Variants in HERC3 observed in about 807,000 individuals in gnomAD.
HERC3 encodes the protein probable E3 ubiquitin-protein ligase HERC3.
Under a neutral mutation model 129.9 loss-of-function variants are expected in HERC3, and 58 were observed. That is an observed-to-expected ratio of 0.45 (90% CI 0.36 to 0.56). HERC3 has a LOEUF of 0.56. Ranked by LOEUF, HERC3 falls within the 20% of genes least tolerant of loss-of-function variation. The probability of loss-of-function intolerance (pLI) is 0.00; values close to 1 mark genes in which losing one functional copy is unlikely to be tolerated. For missense variants in HERC3, 835 were observed against 1,244.2 expected (o/e 0.67, Z 4.95); for synonymous variants, 430 against 451.0 (o/e 0.95, Z 0.59).
chr4:88,636,256 CAT>C (rs1188652496), intron 3 of HERC3, among the ~76,000 whole-genome samples: 1 of 152,138 alleles, frequency 6.6e-6, no homozygotes, highest in African/African-American at 2.4e-5. Flanking sequence ...AGACCCATCT[CAT>C]GTGCAGAGAC....
At position 88,668,010 on chromosome 4, in the gene HERC3, A is replaced by AG. The variant is rs1304996509; in HGVS notation, c.1562_1563insG (p.Tyr521Ter). The change falls in exon 14 of 26, where the codon TAT becomes TAGT. Residue 521 changes from tyrosine to a stop codon, truncating the protein, a stop_gained and frameshift_variant. Coordinates refer to ENST00000402738, the MANE Select transcript of HERC3 (RefSeq NM_014606.3). LOFTEE classifies it high-confidence loss of function. ...PEFPLLQDSK[Y>*]YITLTIPLAM... ...TTTCCCCTACTCCAGGATTCCAAGT[A>AG]TTATATAACATTGACTATTCCCTTG... 1 of 1,613,420 alleles carries AG rather than the reference A, an allele frequency of 6.2e-7. No individual in the cohort carries two copies. Among genetic ancestry groups the AG allele is most frequent in the Non-Finnish European group, 8.5e-7 (1 of 1,179,504 alleles).
At chr4:88,638,770 G>T (rs1283787152) in intron 3 of HERC3, among the ~76,000 whole-genome samples, 1 of 152,056 alleles carries the variant, frequency 6.6e-6, no homozygotes, top group Non-Finnish European at 1.5e-5. Context: ...GAAATAAAGG[G>T]TACTCAAATA....
At chr4:88,619,130 G>A (rs936623833) in intron 3 of HERC3, among the ~76,000 whole-genome samples, 9 of 152,198 alleles carry the variant, frequency 5.9e-5, no homozygotes, top group Non-Finnish European at 8.8e-5. Flanking sequence ...TCATCCTGGC[G>A]AGGTAGAGCC....
the HERC3 span, among the ~76,000 whole-genome samples, chr4:88,531,288 C>T: frequency 2.6e-5 from 4 of 152,090 alleles, no homozygotes; most frequent in South Asian, 2.1e-4. Flanking sequence ...TGTCCTCCCC[C>T]CTCAGCCTCC....
At chr4:88,694,745 CTTATG>C (rs1373544485) in intron 23 of HERC3, among the ~76,000 whole-genome samples, 1 of 152,100 alleles carries the variant, frequency 6.6e-6, no homozygotes, top group Non-Finnish European at 1.5e-5. Context: ...TATCCAAAGG[CTTATG>C]TTATGTTTGT....
the HERC3 span, among the ~76,000 whole-genome samples, chr4:88,579,232 A>AATATATAT: frequency 1.2e-4 from 13 of 104,094 alleles, no homozygotes; most frequent in Admixed American, 3.6e-4. Flanking sequence ...AAAAAAAAAA[A>AATATATAT]ATATATATAT....
intron 3 of HERC3, among the ~76,000 whole-genome samples, chr4:88,607,465 T>C (rs920626772): frequency 6.6e-6 from 1 of 152,100 alleles, no homozygotes. Flanking sequence ...TTTCCACCTA[T>C]TTTTACATTT....
chr4:88,630,471 A>C (rs1322802006), intron 3 of HERC3, among the ~76,000 whole-genome samples: 1 of 152,188 alleles, frequency 6.6e-6, no homozygotes, highest in Non-Finnish European at 1.5e-5. Flanking sequence ...GCTTGCATTA[A>C]GATACATGAA....
At chr4:88,582,743 G>A in the HERC3 span, among the ~76,000 whole-genome samples, 3 of 152,174 alleles carry the variant, frequency 2.0e-5, no homozygotes, top group Non-Finnish European at 4.4e-5. Context: ...TTTGTTCGCA[G>A]TGCAGTTCTG....
the HERC3 span, among the ~76,000 whole-genome samples, chr4:88,526,172 G>A: frequency 6.6e-6 from 1 of 152,168 alleles, no homozygotes; most frequent in Non-Finnish European, 1.5e-5. Context: ...ACATTCTGAT[G>A]GAAAGGGAAA....
At position 88,654,100 on chromosome 4, in the gene HERC3, T is replaced by C. The variant is rs1420050020; in HGVS notation, c.744T>C (p.Ser248=). The change falls in exon 7 of 26, where the codon AGT becomes AGC. Residue 248 remains serine, a synonymous_variant. Transcript: ENST00000402738. ...GCACGCAAAAAGTTGTCTATATTAG[T>C]TGTGGAGAAGAACACACAGCAGTTC... ...LLRTQKVVYI[S]CGEEHTAVLT... The C allele has an allele frequency of 6.2e-7, 1 of 1,613,486 alleles. No homozygotes were observed. Among genetic ancestry groups the C allele is most frequent in the Admixed American group, 1.7e-5 (1 of 59,994 alleles).
chr4:88,633,980 T>C (rs1298692524), intron 3 of HERC3, among the ~76,000 whole-genome samples: 2 of 152,178 alleles, frequency 1.3e-5, no homozygotes, highest in African/African-American at 2.4e-5. Context: ...GAAGCTCCCA[T>C]GGAAAAGATC....
chr4:88,652,820 G>C (rs1249650683), intron 5 of HERC3, 49 bp from the exon 6 acceptor site: 2 of 1,549,562 alleles, frequency 1.3e-6, no homozygotes, highest in Non-Finnish European at 1.8e-6. Context: ...ATTTTTGTGT[G>C]TGGAGCTTGT....
rs755143386 is a variant in HERC3 at position 88,706,741 on chromosome 4, G to A, written c.2945-11G>A. ...TGCTTAGCTGCTAATGCCATTTCTC[G>A]TTCTCCCCAGTGTTCCTGACAGGCA... On this transcript the variant is annotated splice_polypyrimidine_tract_variant and intron_variant, in intron 25 of 25. Coordinates refer to ENST00000402738, the MANE Select transcript of HERC3 (RefSeq NM_014606.3). 4.3e-5 allele frequency: 69 copies of A among 1,612,784 alleles called. No individual in the cohort carries two copies. The highest frequency in any genetic ancestry group is 2.7e-4 in the South Asian group (25 of 91,012).
At chr4:88,646,960 C>G (rs1728752952) in intron 3 of HERC3, among the ~76,000 whole-genome samples, 1 of 152,100 alleles carries the variant, frequency 6.6e-6, no homozygotes, top group South Asian at 2.1e-4. Context: ...TCCTGTTGTT[C>G]CTATTGTCCA....
chr4:88,528,110 G>A, the HERC3 span: 58 of 268,714 alleles, frequency 2.2e-4, no homozygotes, highest in South Asian at 7.9e-4. Flanking sequence ...TGGTGAGGAT[G>A]TCCTTTGCAC....
intron 2 of HERC3, among the ~76,000 whole-genome samples, chr4:88,601,066 C>T (rs1722913560): frequency 6.6e-6 from 1 of 152,210 alleles, no homozygotes; most frequent in Non-Finnish European, 1.5e-5. Context: ...ATTTCTACTT[C>T]CCTCTCCACA....
the HERC3 span, among the ~76,000 whole-genome samples, chr4:88,579,179 C>T: frequency 4.0e-5 from 6 of 149,392 alleles, no homozygotes; most frequent in East Asian, 3.9e-4. Context: ...GTCAGGAGTT[C>T]GAGACCAGCT....
At chr4:88,695,698 C>T (rs1404163210) in intron 23 of HERC3, among the ~76,000 whole-genome samples, 1 of 152,120 alleles carries the variant, frequency 6.6e-6, no homozygotes, top group Non-Finnish European at 1.5e-5. Flanking sequence ...TTATTCAGCA[C>T]TTACCATGGT....
Sources: gnomAD v4.1 joint callset for allele counts (sites outside exome capture counted in the v4.1 genomes callset) on GRCh38, gnomAD v4.1.1 for gene constraint, MANE v1.5 for transcripts, NCBI Gene and HGNC (gene_info 2026-07-23, HGNC 2026-07-21) for gene names.